Variants in RCL1 observed in about 807,000 individuals in gnomAD.
RCL1 encodes RNA 3'-terminal phosphate cyclase-like protein.
Under a neutral mutation model 42.4 loss-of-function variants are expected in RCL1, and 24 were observed. The ratio of observed to expected loss-of-function variants is 0.57; its 90% confidence interval spans 0.41 to 0.80. The LOEUF is 0.80. Among genes scored for constraint, RCL1 ranks in the 30% least tolerant of loss-of-function variants. RCL1 has a pLI of 0.00. For missense variants in RCL1, 578 were observed against 467.9 expected (o/e 1.24, Z -2.17); for synonymous variants, 228 against 177.3 (o/e 1.29, Z -2.27).
intron 5 of RCL1, among the ~76,000 whole-genome samples, 200 bp from the exon 6 acceptor site, chr9:4,841,031 GT>G (rs757423744): frequency 2.0e-5 from 3 of 152,064 alleles, no homozygotes; most frequent in Non-Finnish European, 4.4e-5. Flanking sequence ...TGTCTCTATT[GT>G]TTGGGTGTTT....
intron 1 of RCL1, chr9:4,803,886 A>T (rs991163876): frequency 6.5e-6 from 1 of 154,254 alleles, no homozygotes; most frequent in African/African-American, 2.4e-5. Flanking sequence ...TGTTGGCAAT[A>T]GTGCCTGGTC....
At chr9:4,859,423 T>C (rs1818082187) in intron 8 of RCL1, among the ~76,000 whole-genome samples, 1 of 152,248 alleles carries the variant, frequency 6.6e-6, no homozygotes, top group Non-Finnish European at 1.5e-5. Context: ...ACCACTAGAT[T>C]GAAATCCTCC....
At chr9:4,800,599 G>T (rs114943420) in intron 1 of RCL1, among the ~76,000 whole-genome samples, 1,725 of 151,182 alleles carry the variant, frequency 0.011, 34 homozygotes, top group African/African-American at 0.039. Context: ...TTGTATGGTA[G>T]TTGCATGTTT....
chr9:4,822,521 C>G (rs844511), intron 1 of RCL1, among the ~76,000 whole-genome samples: 122,794 of 152,088 alleles, frequency 0.81, 50,344 homozygotes, highest in East Asian at 1. Context: ...CTCTTTTAAA[C>G]AATGACCAGC....
At chr9:4,824,827 A>G (rs779912266) in intron 2 of RCL1, among the ~76,000 whole-genome samples, 8 of 152,150 alleles carry the variant, frequency 5.3e-5, no homozygotes, top group Non-Finnish European at 8.8e-5. Flanking sequence ...GAGTCCCTTA[A>G]TTTCCTTTAG....
chr9:4,808,580 A>G (rs957575040), intron 1 of RCL1, among the ~76,000 whole-genome samples: 1 of 152,204 alleles, frequency 6.6e-6, no homozygotes. Context: ...GTGTGCTGGG[A>G]TTATAGGCGT....
chr9:4,839,705 G>C, intron 5 of RCL1: 1 of 985,128 alleles, frequency 1.0e-6, no homozygotes, highest in Non-Finnish European at 1.2e-6. Context: ...TTTGTCCTTT[G>C]AGTCAAGTTA....
intron 1 of RCL1, among the ~76,000 whole-genome samples, chr9:4,811,000 G>C (rs921175286): frequency 6.6e-6 from 1 of 152,136 alleles, no homozygotes; most frequent in Non-Finnish European, 1.5e-5. Flanking sequence ...TAAAATCAGG[G>C]TAGTTAGCAT....
At chr9:4,819,002 A>T (rs141123718) in intron 1 of RCL1, among the ~76,000 whole-genome samples, 3 of 152,208 alleles carry the variant, frequency 2.0e-5, no homozygotes, top group Admixed American at 2.0e-4. Flanking sequence ...AAGATCTGTC[A>T]TAGGCCATTT....
chr9:4,823,913 A>T (rs982093943), intron 2 of RCL1, among the ~76,000 whole-genome samples: 3 of 152,116 alleles, frequency 2.0e-5, no homozygotes, highest in Non-Finnish European at 2.9e-5. Context: ...AGATCATTTT[A>T]AAAAATACCG....
At chr9:4,834,510 A>G (rs1563847199) in intron 5 of RCL1, among the ~76,000 whole-genome samples, 4 of 142,540 alleles carry the variant, frequency 2.8e-5, no homozygotes, top group Non-Finnish European at 4.5e-5. Context: ...GTTAACATTT[A>G]GGCAAATGGC....
chr9:4,802,113 C>T (rs1341555567), intron 1 of RCL1, among the ~76,000 whole-genome samples: 2 of 109,080 alleles, frequency 1.8e-5, no homozygotes, highest in African/African-American at 3.4e-5. Context: ...TTTGTAGAGG[C>T]GGGGTTTCAC....
rs143072844 is a variant in RCL1 at position 4,834,872 on chromosome 9, G to C, written c.584+607G>C. 2.7e-3 allele frequency among the ~76,000 whole-genome samples: 412 copies of C among 152,288 alleles called. 1 individual carries two copies. Among genetic ancestry groups the C allele is most frequent in the African/African-American group, 9.7e-3 (402 of 41,562 alleles). On this transcript the variant is annotated intron_variant, in intron 5 of 8. Coordinates refer to ENST00000381750, the MANE Select transcript of RCL1 (RefSeq NM_005772.5). The stretch of plus-strand genomic sequence containing the variant: ...AGATGGGGAAACTGAAGCTTCAAAA[G>C]CTTAAGGAATTTCTTAATAATGTCA...
At chr9:4,823,681 CTTT>C in intron 2 of RCL1, 62 bp downstream of exon 2, 1 of 1,157,032 alleles carries the variant, frequency 8.6e-7, no homozygotes, top group Non-Finnish European at 1.2e-6. Context: ...GTTTCTCACT[CTTT>C]TTTTTCTTTC....
chr9:4,808,027 C>G (rs1277904920), intron 1 of RCL1, among the ~76,000 whole-genome samples: 2 of 151,832 alleles, frequency 1.3e-5, no homozygotes, highest in African/African-American at 4.8e-5. Context: ...ATGTTCTTCT[C>G]TTGTTGGGTG....
intron 1 of RCL1, among the ~76,000 whole-genome samples, chr9:4,806,660 T>A (rs1367092510): frequency 4.0e-5 from 6 of 151,654 alleles, no homozygotes; most frequent in Admixed American, 3.9e-4. Flanking sequence ...ATTGCTGAAT[T>A]TTATTTGCTA....
chr9:4,799,120 C>CCCTT (rs923246786), intron 1 of RCL1, among the ~76,000 whole-genome samples: 4 of 117,006 alleles, frequency 3.4e-5, no homozygotes, highest in African/African-American at 1.4e-4. Flanking sequence ...TTTTCTCCCT[C>CCCTT]CCTTCCTTCC....
At chr9:4,803,869 C>G (rs1843049112) in intron 1 of RCL1, 1 of 156,356 alleles carries the variant, frequency 6.4e-6, no homozygotes, top group East Asian at 1.8e-4. Flanking sequence ...ACGGGCTGTT[C>G]CCTGTGTGTT....
chr9:4,849,440 T>A lies in RCL1; in HGVS notation c.868-7T>A. ...TGGTTTGTACAATTATTAATTTGTG[T>A]TTACAGGGTGGATGCGTAGACTCGA... On this transcript the variant is annotated splice_polypyrimidine_tract_variant and splice_region_variant and intron_variant, in intron 7 of 8. Coordinates refer to ENST00000381750, the MANE Select transcript of RCL1 (RefSeq NM_005772.5). 4 of 1,608,886 alleles carry A rather than the reference T, an allele frequency of 2.5e-6. No individual in the cohort carries two copies. In the South Asian group the frequency reaches 3.3e-5, roughly 13 times the overall value.
Sources: allele counts gnomAD v4.1 joint callset (sites outside exome capture counted in the v4.1 genomes callset), GRCh38; gene constraint gnomAD v4.1.1; transcripts MANE v1.5; gene names NCBI Gene and HGNC (gene_info 2026-07-23, HGNC 2026-07-21).